LRRC53: variants seen among roughly 807,000 people sequenced by gnomAD.
LRRC53 encodes leucine-rich repeat-containing protein 53.
Under a neutral mutation model 13.6 loss-of-function variants are expected in LRRC53, and 25 were observed. The ratio of observed to expected loss-of-function variants is 1.83; its 90% CI spans 1.34 to 2.56. The LOEUF is 2.56. Ranked by LOEUF, LRRC53 falls within the 30% of genes most tolerant of loss-of-function variation. The probability of loss-of-function intolerance (pLI) is 0.00; values close to 1 mark genes in which losing one functional copy is unlikely to be tolerated. For missense variants in LRRC53, 527 were observed against 275.8 expected (o/e 1.91, Z -6.45); for synonymous variants, 204 against 109.8 (o/e 1.86, Z -5.37).
At chr1:74,532,700 C>T in the LRRC53 span, among the ~76,000 whole-genome samples, 3 of 150,812 alleles carry the variant, frequency 2.0e-5, no homozygotes, top group Non-Finnish European at 2.9e-5. Flanking sequence ...CAGCATGGTA[C>T]TGGTACCAAA....
At chr1:74,481,046 C>T in intron 2 of LRRC53, 78 bp from the exon 3 acceptor site, 1 of 623,746 alleles carries the variant, frequency 1.6e-6, no homozygotes, top group Admixed American at 2.7e-5. Context: ...AGCAGAGAAT[C>T]AATATCCTCT....
chr1:74,500,012 T>C (rs1669527495), intron 1 of LRRC53, among the ~76,000 whole-genome samples: 1 of 151,968 alleles, frequency 6.6e-6, no homozygotes, highest in African/African-American at 2.4e-5. Flanking sequence ...ATATGAGCTA[T>C]ATTTCTATTC....
At chr1:74,533,341 G>T in the LRRC53 span, among the ~76,000 whole-genome samples, 1 of 152,180 alleles carries the variant, frequency 6.6e-6, no homozygotes, top group Non-Finnish European at 1.5e-5. Context: ...TCAGAGAAAT[G>T]CAAATCAAAA....
At chr1:74,526,215 G>T in the LRRC53 span, among the ~76,000 whole-genome samples, 1 of 152,184 alleles carries the variant, frequency 6.6e-6, no homozygotes, top group African/African-American at 2.4e-5. Context: ...TTTCTTGCAG[G>T]GATGTGAATT....
intron 1 of LRRC53, among the ~76,000 whole-genome samples, chr1:74,497,054 C>T (rs1669362923): frequency 6.6e-6 from 1 of 152,108 alleles, no homozygotes; most frequent in African/African-American, 2.4e-5. Flanking sequence ...ACAAAAGGGT[C>T]CATCAAAGGT....
At chr1:74,507,093 T>C (rs1669942293) in intron 1 of LRRC53, among the ~76,000 whole-genome samples, 1 of 152,216 alleles carries the variant, frequency 6.6e-6, no homozygotes, top group Non-Finnish European at 1.5e-5. Flanking sequence ...TATTACATAG[T>C]GTGCTGATCG....
chr1:74,505,541 T>A (rs936584395), intron 1 of LRRC53, among the ~76,000 whole-genome samples: 2 of 151,972 alleles, frequency 1.3e-5, no homozygotes, highest in African/African-American at 4.9e-5. Flanking sequence ...CAGGTTTAAT[T>A]CCTCATGGAT....
chr1:74,497,439 C>T (rs897220313), intron 1 of LRRC53, among the ~76,000 whole-genome samples: 4 of 152,050 alleles, frequency 2.6e-5, no homozygotes, highest in Non-Finnish European at 5.9e-5. Context: ...TGTCAACTCA[C>T]CACAATCAGC....
upstream of LRRC53, among the ~76,000 whole-genome samples, chr1:74,516,344 A>T (rs1029286567): frequency 1.3e-5 from 2 of 152,212 alleles, no homozygotes; most frequent in African/African-American, 2.4e-5. Context: ...ATGTTGCTAA[A>T]TGATGAAAAT....
chr1:74,491,399 TA>T (rs1310272839), intron 1 of LRRC53, among the ~76,000 whole-genome samples: 3 of 152,166 alleles, frequency 2.0e-5, no homozygotes, highest in Non-Finnish European at 4.4e-5. Flanking sequence ...TTTGTATTTT[TA>T]TTAGAGACGG....
At chr1:74,494,452 G>C (rs1185192494) in intron 1 of LRRC53, among the ~76,000 whole-genome samples, 52 of 152,190 alleles carry the variant, frequency 3.4e-4, no homozygotes, top group African/African-American at 1.2e-3. Flanking sequence ...ACACAAACTG[G>C]ACACCATTTT....
intron 4 of LRRC53, 139 bp downstream of exon 4, chr1:74,475,156 A>ACACC: frequency 1.8e-6 from 1 of 557,498 alleles, no homozygotes; most frequent in African/African-American, 1.9e-5. Flanking sequence ...ACACACACAC[A>ACACC]CAGTATTTTT....
At chr1:74,496,097 G>T (rs916203871) in intron 1 of LRRC53, among the ~76,000 whole-genome samples, 2 of 152,146 alleles carry the variant, frequency 1.3e-5, no homozygotes, top group African/African-American at 4.8e-5. Flanking sequence ...CAAAACCCAT[G>T]GGGTTGGCAC....
At chr1:74,524,058 T>G in the LRRC53 span, among the ~76,000 whole-genome samples, 1 of 152,182 alleles carries the variant, frequency 6.6e-6, no homozygotes, top group Non-Finnish European at 1.5e-5. Flanking sequence ...CCAAAAATTG[T>G]TTTTGCAAAG....
At chr1:74,504,803 C>A (rs1669808388) in intron 1 of LRRC53, among the ~76,000 whole-genome samples, 1 of 152,096 alleles carries the variant, frequency 6.6e-6, no homozygotes, top group African/African-American at 2.4e-5. Context: ...TCTTTTCTAT[C>A]CGTCAGCAGT....
Position 74,475,503 on chromosome 1 carries a change from C to G in LRRC53, c.1212G>C (p.Lys404Asn). ...TLDGSFRNLK[K>N]KDRGVGSTLF... ...AAGTGCTGCCTACCCCACGGTCTTT[C>G]TTTTTCAGGTTTCTAAATGATCCGT... The change falls in exon 4 of 5, where the codon AAG becomes AAC. Residue 404 changes from lysine to asparagine, a missense_variant. Coordinates refer to ENST00000294635, the MANE Select transcript of LRRC53 (RefSeq NM_001382280.1). 3 of 716,836 alleles carry G rather than the reference C, an allele frequency of 4.2e-6. No homozygotes were observed. The highest frequency in any genetic ancestry group is 1.7e-5 in the African/African-American group (1 of 57,254). 44.4% of individuals were successfully genotyped at this position (716,836 alleles called of 1,614,324 possible). A position where few individuals can be genotyped will look rare whatever the true frequency, so the allele number is the denominator to read the frequency against.
At chr1:74,518,873 CCTTTTTTTT>C in the LRRC53 span, among the ~76,000 whole-genome samples, 1 of 100,358 alleles carries the variant, frequency 1.0e-5, no homozygotes, top group South Asian at 3.4e-4. Flanking sequence ...TTTTTTTTCC[CCTTTTTTTT>C]TTTTTTTTTT....
chr1:74,471,655 T>G lies in LRRC53; in HGVS notation c.1967A>C (p.Lys656Thr). 1 of 400,798 alleles carries G rather than the reference T, an allele frequency of 2.5e-6. No homozygotes were observed. 24.8% of individuals were successfully genotyped at this position (400,798 alleles called of 1,614,324 possible). The change falls in exon 5 of 5, where the codon AAA (lysine) becomes ACA (threonine). Residue 656 changes from lysine (K) to threonine (T), a missense_variant. Physicochemically the swap from Lys to Thr is moderately conservative, Grantham distance 78 (BLOSUM62 -1). Transcript: ENST00000294635. ...VEINRSMMSP[K>T]ISTPWKRQKN... ...CTGTCGTTTCCAAGGGGTTGATATTTTGGGTGACATCATCGACCTATTTAT... is the reference window on the plus strand; with the variant it reads ...CTGTCGTTTCCAAGGGGTTGATATTGTGGGTGACATCATCGACCTATTTAT...
chr1:74,534,685 T>G, the LRRC53 span, among the ~76,000 whole-genome samples: 1 of 152,126 alleles, frequency 6.6e-6, no homozygotes, highest in Non-Finnish European at 1.5e-5. Flanking sequence ...GTTTTAGGAG[T>G]ATCTCCTCTA....
Sources: gnomAD v4.1 joint callset for allele counts (sites outside exome capture counted in the v4.1 genomes callset) on GRCh38, gnomAD v4.1.1 for gene constraint, MANE v1.5 for transcripts, NCBI Gene and HGNC (gene_info 2026-07-23, HGNC 2026-07-21) for gene names.